The following EML1 variants were observed in gnomAD, a reference collection of about 807,000 sequenced individuals.
EML1 encodes echinoderm microtubule-associated protein-like 1.
Under a neutral mutation model 110.4 loss-of-function variants are expected in EML1, and 27 were observed. That is an observed-to-expected ratio of 0.24 (90% CI 0.18 to 0.34). The LOEUF (loss-of-function observed/expected upper bound fraction) is 0.34. Ranked by LOEUF, EML1 falls within the 10% of genes least tolerant of loss-of-function variation. The pLI is 1.00. For synonymous variants in EML1, 344 were observed against 385.8 expected (o/e 0.89, Z 1.27); for missense variants, 741 against 1,030.9 (o/e 0.72, Z 3.85).
At position 99,909,470 on chromosome 14, in the gene EML1, A is replaced by T. The variant is rs1364758980; in HGVS notation, c.1230A>T (p.Gly410=). ...LEGSSLNKKQ[G]LFEKQEKPKF... Reference sequence around the variant, plus strand: ...GAAGCTCCCTTAATAAGAAGCAAGGATTATTCGAGGTAAAGTTAAATTATG... The same window carrying T: ...GAAGCTCCCTTAATAAGAAGCAAGGTTTATTCGAGGTAAAGTTAAATTATG... The change falls in exon 11 of 22, where the codon GGA becomes GGT. Residue 410 remains glycine, a synonymous_variant. Transcript: ENST00000262233. 1 of 1,614,184 alleles carries T rather than the reference A, an allele frequency of 6.2e-7. No homozygotes were observed. The highest frequency in any genetic ancestry group is 8.5e-7 in the Non-Finnish European group (1 of 1,180,030).
At chr14:99,895,404 C>T (rs4900446) in intron 6 of EML1, among the ~76,000 whole-genome samples, 84,759 of 151,920 alleles carry the variant, frequency 0.56, 24,093 homozygotes, top group African/African-American at 0.67. Context: ...CTATCATATA[C>T]TTAGTCAACT....
rs567363871 is a variant in EML1 at position 99,878,015 on chromosome 14, A to G, written c.384-470A>G. 3.3e-5 allele frequency among the ~76,000 whole-genome samples: 5 copies of G among 152,250 alleles called. No homozygotes were observed. The East Asian group carries it at 9.6e-4, about 29-fold the overall frequency. Reference sequence around the variant, plus strand: ...GACAGCTTTGAATGTGGCCCAACACAGATTTGTCAACTTTCTTAATACTCT... The same window carrying G: ...GACAGCTTTGAATGTGGCCCAACACGGATTTGTCAACTTTCTTAATACTCT... On this transcript the variant is annotated intron_variant, in intron 3 of 21. Coordinates refer to ENST00000262233, the MANE Select transcript of EML1 (RefSeq NM_004434.3).
chr14:99,744,426 A>G (rs1595227491), intron 1 of EML1, among the ~76,000 whole-genome samples: 1 of 152,134 alleles, frequency 6.6e-6, no homozygotes, highest in East Asian at 1.9e-4. Flanking sequence ...CCAAAGTTTC[A>G]CTGGCTACAG....
At chr14:99,896,349 C>A (rs553395974) in intron 6 of EML1, among the ~76,000 whole-genome samples, 2 of 137,760 alleles carry the variant, frequency 1.5e-5, no homozygotes, top group East Asian at 4.5e-4. Context: ...TAAATTTCTC[C>A]CCCAAAATAC....
upstream of EML1, among the ~76,000 whole-genome samples, chr14:99,789,086 C>G (rs1320990155): frequency 6.6e-6 from 1 of 152,150 alleles, no homozygotes; most frequent in Non-Finnish European, 1.5e-5. Context: ...TTGCTCCCAC[C>G]CCTCGGCTAT....
At chr14:99,938,722 CCA>C (rs1434319844) in intron 20 of EML1, among the ~76,000 whole-genome samples, 1 of 152,236 alleles carries the variant, frequency 6.6e-6, no homozygotes, top group East Asian at 1.9e-4. Flanking sequence ...CAAGCAACAG[CCA>C]CAGTGAGTGA....
chr14:99,884,582 C>T (rs978243602), intron 4 of EML1, among the ~76,000 whole-genome samples: 6 of 152,130 alleles, frequency 3.9e-5, no homozygotes, highest in African/African-American at 9.7e-5. Flanking sequence ...TCTGCACAGG[C>T]GCTCACTGAG....
chr14:99,940,265 G>A lies in EML1; in HGVS notation c.*153G>A, dbSNP rs558495712. 39 of 1,079,622 alleles carry A rather than the reference G, an allele frequency of 3.6e-5. 1 individual carries two copies. The Admixed American group carries it at 4.6e-4, about 13-fold the overall frequency. The allele number at this position is 1,079,622 out of a possible 1,614,324, so 66.9% of individuals were successfully genotyped here. A position where few individuals can be genotyped will look rare whatever the true frequency, so the allele number is the denominator to read the frequency against. On this transcript the variant is annotated 3_prime_UTR_variant, in exon 22 of 22. Coordinates refer to ENST00000262233, the MANE Select transcript of EML1 (RefSeq NM_004434.3). ...GGCTACCTTAGCTTAGCGTGTCAGC[G>A]GGCGCCACAGCGGATCAGCGGTTCC...
intron 1 of EML1, among the ~76,000 whole-genome samples, chr14:99,848,422 A>C (rs1413085080): frequency 2.0e-5 from 3 of 152,170 alleles, no homozygotes; most frequent in Non-Finnish European, 2.9e-5. Flanking sequence ...GTGTTAGCTC[A>C]ATTTAGCCAT....
chr14:99,887,080 G>T (rs2059489885), intron 4 of EML1, among the ~76,000 whole-genome samples: 1 of 152,242 alleles, frequency 6.6e-6, no homozygotes, highest in Non-Finnish European at 1.5e-5. Context: ...TGACTGCACT[G>T]CTGTCTGTTG....
At chr14:99,809,994 C>T (rs1054163508) in intron 1 of EML1, among the ~76,000 whole-genome samples, 5 of 152,186 alleles carry the variant, frequency 3.3e-5, no homozygotes, top group South Asian at 2.1e-4. Context: ...ACAGCCGAGC[C>T]GGCCCTGTAC....
At chr14:99,792,277 A>G (rs1174932044), upstream of EML1, among the ~76,000 whole-genome samples, 6 of 152,206 alleles carry the variant, frequency 3.9e-5, no homozygotes, top group Non-Finnish European at 7.3e-5. Flanking sequence ...AACCTGCACA[A>G]GTTAGTACCT....
chr14:99,770,550 T>C (rs1308862336), upstream of EML1, among the ~76,000 whole-genome samples: 3 of 152,036 alleles, frequency 2.0e-5, no homozygotes, highest in African/African-American at 7.2e-5. Flanking sequence ...TTTCAACACA[T>C]GAATTTTGGG....
chr14:99,770,395 C>CTA (rs762275445), upstream of EML1, among the ~76,000 whole-genome samples: 1 of 151,502 alleles, frequency 6.6e-6, no homozygotes, highest in African/African-American at 2.4e-5. Flanking sequence ...ATCTATCTAT[C>CTA]TATCTATCTA....
At chr14:99,850,316 G>T (rs1433397962) in intron 1 of EML1, 1 of 1,288,992 alleles carries the variant, frequency 7.8e-7, no homozygotes, top group Non-Finnish European at 1.0e-6. Context: ...ATAAGGAGTT[G>T]GAAATTATGA....
chr14:99,904,902 A>T (rs1262677360), intron 9 of EML1, among the ~76,000 whole-genome samples: 1 of 152,228 alleles, frequency 6.6e-6, no homozygotes, highest in Non-Finnish European at 1.5e-5. Flanking sequence ...TGACAGAATG[A>T]TATAGAAGAC....
At chr14:99,803,617 G>A (rs1566872715) in intron 1 of EML1, among the ~76,000 whole-genome samples, 1 of 152,218 alleles carries the variant, frequency 6.6e-6, no homozygotes, top group Non-Finnish European at 1.5e-5. Flanking sequence ...GAATCAATAA[G>A]TAGAGACGTT....
intron 4 of EML1, among the ~76,000 whole-genome samples, chr14:99,882,846 A>C (rs953119703): frequency 6.6e-6 from 1 of 151,580 alleles, no homozygotes; most frequent in African/African-American, 2.4e-5. Context: ...CCCACCTCAA[A>C]ATAGTGAAGA....
intron 8 of EML1, among the ~76,000 whole-genome samples, chr14:99,898,830 G>T (rs1348427588): frequency 6.6e-6 from 1 of 151,516 alleles, no homozygotes; most frequent in African/African-American, 2.4e-5. Context: ...TTTTTAAATA[G>T]CATTGTTCTG....
Sources: allele counts gnomAD v4.1 joint callset (sites outside exome capture counted in the v4.1 genomes callset), GRCh38; gene constraint gnomAD v4.1.1; transcripts MANE v1.5; gene names NCBI Gene and HGNC (gene_info 2026-07-23, HGNC 2026-07-21).